The following SEMA3A variants were observed in gnomAD, a reference collection of about 807,000 sequenced individuals.
SEMA3A encodes semaphorin 3A.
A neutral mutation model predicts 97.9 loss-of-function variants in SEMA3A; 29 were observed. The ratio of observed to expected loss-of-function variants is 0.30; its 90% CI spans 0.22 to 0.40. The LOEUF (loss-of-function observed/expected upper bound fraction) is 0.40. SEMA3A is among the 10% of genes least tolerant of loss of function. The pLI is 1.00. For synonymous variants in SEMA3A, 321 were observed against 323.7 expected (o/e 0.99, Z 0.09); for missense variants, 763 against 951.3 (o/e 0.80, Z 2.60).
intron 1 of SEMA3A, among the ~76,000 whole-genome samples, chr7:84,179,303 T>G (rs1312911563): frequency 6.6e-6 from 1 of 152,194 alleles, no homozygotes; most frequent in Non-Finnish European, 1.5e-5. Flanking sequence ...CATTGTCTTA[T>G]TATCTGCCAC....
chr7:84,257,269 T>A (rs1799738797), intron 3 of SEMA3A, among the ~76,000 whole-genome samples: 1 of 152,042 alleles, frequency 6.6e-6, no homozygotes. Flanking sequence ...CACTTTAATT[T>A]TTTTTTTTTA....
intron 2 of SEMA3A, among the ~76,000 whole-genome samples, chr7:84,313,615 C>T (rs1411949432): frequency 2.0e-5 from 3 of 151,102 alleles, no homozygotes; most frequent in Non-Finnish European, 4.4e-5. Context: ...TTACATCATG[C>T]ATTGGTATTT....
chr7:84,414,095 G>A (rs140719212), intron 1 of SEMA3A, among the ~76,000 whole-genome samples: 15 of 152,060 alleles, frequency 9.9e-5, no homozygotes, highest in Middle Eastern at 3.4e-3. Context: ...GCTTAACCCC[G>A]CACCAACTTG....
intron 2 of SEMA3A, among the ~76,000 whole-genome samples, chr7:84,311,181 C>G (rs1027888696): frequency 6.6e-6 from 1 of 151,808 alleles, no homozygotes; most frequent in Non-Finnish European, 1.5e-5. Context: ...GTTTTAGGTG[C>G]AAAATTAAAT....
intron 2 of SEMA3A, among the ~76,000 whole-genome samples, chr7:84,366,648 C>G (rs533273554): frequency 2.0e-5 from 3 of 151,332 alleles, no homozygotes; most frequent in Non-Finnish European, 4.4e-5. Flanking sequence ...AACACATACT[C>G]TTTCTGCCTT....
intron 3 of SEMA3A, among the ~76,000 whole-genome samples, chr7:84,291,663 G>A (rs71558722): frequency 0.033 from 5,036 of 152,030 alleles, 95 homozygotes; most frequent in South Asian, 0.061. Context: ...AATAAGGAAG[G>A]GCCATCCAGA....
At chr7:84,133,274 T>C (rs1796020108) in intron 2 of SEMA3A, among the ~76,000 whole-genome samples, 1 of 152,180 alleles carries the variant, frequency 6.6e-6, no homozygotes, top group Admixed American at 6.5e-5. Flanking sequence ...ACTCTATATA[T>C]AATGAATCAA....
chr7:84,000,249 GT>G lies in SEMA3A; in HGVS notation c.1452+1705del, dbSNP rs1471429923. Among the ~76,000 whole-genome samples the G allele has an allele frequency of 7.2e-5, 11 of 152,106 alleles. No homozygotes were observed. In the Middle Eastern group the frequency reaches 0.01, roughly 141 times the overall value. ...AGTACCAATGTGTTTGTTCATTGGGGTAATCTATGGGACATGGTGATTGATA... is the reference window on the plus strand; with the variant it reads ...AGTACCAATGTGTTTGTTCATTGGGGAATCTATGGGACATGGTGATTGATA... On this transcript the variant is annotated intron_variant, in intron 12 of 16. Coordinates refer to ENST00000265362, the MANE Select transcript of SEMA3A (RefSeq NM_006080.3).
intron 1 of SEMA3A, among the ~76,000 whole-genome samples, chr7:84,439,643 T>C (rs1805221622): frequency 6.6e-6 from 1 of 152,158 alleles, no homozygotes; most frequent in African/African-American, 2.4e-5. Context: ...TAAGAAGATT[T>C]AGATTAAGGC....
At chr7:84,151,075 C>T (rs924870980) in intron 1 of SEMA3A, among the ~76,000 whole-genome samples, 1 of 149,732 alleles carries the variant, frequency 6.7e-6, no homozygotes, top group Non-Finnish European at 1.5e-5. Context: ...ACATCCACAC[C>T]AAAAACCCAT....
At chr7:84,110,405 G>A in intron 4 of SEMA3A, 65 bp downstream of exon 4, 1 of 1,571,232 alleles carries the variant, frequency 6.4e-7, no homozygotes, top group Non-Finnish European at 8.7e-7. Flanking sequence ...GAAGAAATTA[G>A]TAATGAAGCA....
intron 3 of SEMA3A, among the ~76,000 whole-genome samples, chr7:84,285,660 T>C (rs1295338369): frequency 6.6e-6 from 1 of 152,048 alleles, no homozygotes; most frequent in Non-Finnish European, 1.5e-5. Context: ...TATAAAGAAA[T>C]AGTTGGCAAG....
intron 1 of SEMA3A, among the ~76,000 whole-genome samples, chr7:84,180,685 C>A (rs1797713448): frequency 6.6e-6 from 1 of 151,984 alleles, no homozygotes; most frequent in South Asian, 2.1e-4. Context: ...GAGACGTCAT[C>A]TCAAATAATA....
chr7:84,025,731 A>T (rs542230475), intron 6 of SEMA3A, among the ~76,000 whole-genome samples: 1 of 152,260 alleles, frequency 6.6e-6, no homozygotes, highest in East Asian at 1.9e-4. Context: ...AAAATAATAG[A>T]TACTGTTTAT....
intron 4 of SEMA3A, among the ~76,000 whole-genome samples, chr7:84,107,528 C>T (rs3801634): frequency 0.42 from 64,162 of 151,986 alleles, 14,772 homozygotes; most frequent in Admixed American, 0.52. Context: ...GAGGACCTCT[C>T]TCAAAGGCTG....
intron 3 of SEMA3A, among the ~76,000 whole-genome samples, chr7:84,219,675 G>A (rs1798830453): frequency 2.0e-5 from 3 of 152,140 alleles, no homozygotes; most frequent in Non-Finnish European, 4.4e-5. Context: ...GCTAAAAATT[G>A]CTAAGAATCA....
intron 1 of SEMA3A, among the ~76,000 whole-genome samples, chr7:84,469,029 G>A (rs991468125): frequency 2.0e-5 from 3 of 152,058 alleles, no homozygotes; most frequent in Admixed American, 6.6e-5. Flanking sequence ...TTGATCCGCT[G>A]AGGATAGAAA....
chr7:84,185,692 G>GAAAAAAAAAAAAAAAAAAAAAAGA (rs71078810), intron 1 of SEMA3A, among the ~76,000 whole-genome samples: 1 of 78,132 alleles, frequency 1.3e-5, no homozygotes, highest in Non-Finnish European at 2.3e-5. Flanking sequence ...ACTCTGGCAG[G>GAAAAAAAAAAAAAAAAAAAAAAGA]AAAAAAAAAA....
intron 3 of SEMA3A, among the ~76,000 whole-genome samples, 187 bp from the exon 4 acceptor site, chr7:84,110,776 T>C (rs115655758): frequency 1.3e-5 from 2 of 152,048 alleles, no homozygotes; most frequent in African/African-American, 2.4e-5. Flanking sequence ...ATAATATGCA[T>C]TAAAATATAG....
Sources: gnomAD v4.1 joint callset for allele counts (sites outside exome capture counted in the v4.1 genomes callset) on GRCh38, gnomAD v4.1.1 for gene constraint, MANE v1.5 for transcripts, NCBI Gene and HGNC (gene_info 2026-07-23, HGNC 2026-07-21) for gene names.